The following ZNF420 variants were observed in gnomAD, a reference collection of about 807,000 sequenced individuals.
ZNF420 encodes the protein ATM and p53-associated KZNF protein.
ZNF420 carries 31 observed loss-of-function variants against 44.7 expected under a neutral mutation model. The observed-to-expected ratio is 0.69, with a 90% CI of 0.52 to 0.94. The LOEUF (loss-of-function observed/expected upper bound fraction) is 0.94, where lower values mean the gene tolerates loss of function less well. Among genes scored for constraint, ZNF420 ranks in the 40% least tolerant of loss-of-function variants. ZNF420 has a pLI of 0.00. For synonymous variants in ZNF420, 245 were observed against 267.4 expected, an observed-to-expected ratio of 0.92 and a Z score of 0.82; for missense variants, 681 against 827.9, an observed-to-expected ratio of 0.82 and a Z score of 2.18.
At chr19:37,008,377 A>T (rs1301326958) in intron 1 of ZNF420, among the ~76,000 whole-genome samples, 1 of 152,066 alleles carries the variant, frequency 6.6e-6, no homozygotes, top group African/African-American at 2.4e-5. Flanking sequence ...AATTTCTTGC[A>T]TGTCGGCCTG....
intron 1 of ZNF420, among the ~76,000 whole-genome samples, chr19:37,047,455 C>G (rs904787899): frequency 6.6e-6 from 1 of 152,200 alleles, no homozygotes; most frequent in Admixed American, 6.5e-5. Flanking sequence ...ATCCTAGTGG[C>G]ACCTTGATCT....
At chr19:37,109,967 T>A (rs1970300806) in intron 4 of ZNF420, 1 of 152,216 alleles carries the variant, frequency 6.6e-6, no homozygotes, top group Non-Finnish European at 1.5e-5. Context: ...TTGAGTTTTG[T>A]GTGTTCTATT....
At chr19:37,008,066 G>T in exon 1 of ZNF420, 1 of 264,726 alleles carries the variant, frequency 3.8e-6, no homozygotes, top group Non-Finnish European at 7.3e-6. Flanking sequence ...CCTCAGGCCT[G>T]CCCGGACGGT....
At chr19:37,030,977 C>T (rs924000847) in intron 1 of ZNF420, among the ~76,000 whole-genome samples, 4 of 152,118 alleles carry the variant, frequency 2.6e-5, no homozygotes, top group African/African-American at 7.2e-5. Flanking sequence ...ACTGTAGCCT[C>T]CCAAGTAGCT....
chr19:37,080,793 A>G (rs1254407560), intron 2 of ZNF420, among the ~76,000 whole-genome samples: 1 of 152,130 alleles, frequency 6.6e-6, no homozygotes. Flanking sequence ...GTGGTGGCTC[A>G]TGCCTATAAT....
At chr19:37,062,211 A>G (rs1423511624) in intron 1 of ZNF420, among the ~76,000 whole-genome samples, 1 of 152,236 alleles carries the variant, frequency 6.6e-6, no homozygotes, top group Non-Finnish European at 1.5e-5. Context: ...GGAATGAGGC[A>G]GTAAAGAAAG....
In ZNF420 at chr19:37,039,701, C is replaced by CT. The variant is rs3051691; in HGVS notation, c.-125+31634dup. 2.4e-3 allele frequency among the ~76,000 whole-genome samples: 352 copies of CT among 143,804 alleles called. 1 individual carries two copies. In the East Asian group the frequency reaches 0.026, roughly 10 times the overall value. The allele number at this position is 143,804 out of a possible 152,430, so 94.3% of individuals were successfully genotyped here. A position where few individuals can be genotyped will look rare whatever the true frequency, so the allele number is the denominator to read the frequency against. ...CAGCCTGTCCTTTGAATGTTTCTTT[C>CT]TTTTTTTTTTTTTTTGTGAGATACG... On this transcript the variant is annotated intron_variant, in intron 1 of 4. Transcript: ENST00000587029.
intron 1 of ZNF420, among the ~76,000 whole-genome samples, chr19:37,051,410 T>G (rs1265629059): frequency 6.6e-6 from 1 of 152,202 alleles, no homozygotes; most frequent in Non-Finnish European, 1.5e-5. Flanking sequence ...CTGTTATTGG[T>G]CTATTCAGAG....
chr19:37,043,438 T>G (rs2146413683), intron 1 of ZNF420, among the ~76,000 whole-genome samples: 1 of 152,368 alleles, frequency 6.6e-6, no homozygotes, highest in East Asian at 1.9e-4. Flanking sequence ...TATTATAACC[T>G]AAATTCCTGT....
intron 4 of ZNF420, among the ~76,000 whole-genome samples, chr19:37,104,633 C>T (rs1969973678): frequency 6.6e-6 from 1 of 152,200 alleles, no homozygotes; most frequent in Non-Finnish European, 1.5e-5. Flanking sequence ...TTCTCCACAT[C>T]CTCTCCAGCA....
intron 4 of ZNF420, among the ~76,000 whole-genome samples, chr19:37,120,107 G>C (rs1402376993): frequency 6.6e-6 from 1 of 151,572 alleles, no homozygotes; most frequent in African/African-American, 2.4e-5. Flanking sequence ...AGGGAATCCT[G>C]CCTAACTCAT....
upstream of ZNF420, among the ~76,000 whole-genome samples, chr19:37,073,584 T>TA (rs531746477): frequency 3.6e-3 from 542 of 151,100 alleles, no homozygotes; most frequent in Admixed American, 8.2e-3. Context: ...ACTAAAAATA[T>TA]AAAAAAATTA....
intron 4 of ZNF420, among the ~76,000 whole-genome samples, chr19:37,117,701 G>A (rs1970775538): frequency 9.1e-6 from 1 of 110,166 alleles, no homozygotes; most frequent in Non-Finnish European, 2.0e-5. Flanking sequence ...TCAAACCAAT[G>A]GCAAAGAAGT....
intron 1 of ZNF420, among the ~76,000 whole-genome samples, chr19:37,037,949 G>A (rs138885994): frequency 6.6e-6 from 1 of 152,272 alleles, no homozygotes; most frequent in Non-Finnish European, 1.5e-5. Flanking sequence ...AAGGACCTGG[G>A]TGTGGGTGGT....
chr19:37,036,265 A>C (rs1015517492), intron 1 of ZNF420, among the ~76,000 whole-genome samples: 5 of 152,222 alleles, frequency 3.3e-5, no homozygotes, highest in African/African-American at 1.2e-4. Context: ...CAATTGATAA[A>C]TGTTTGAGGT....
At chr19:37,010,496 T>G (rs2146366352) in intron 1 of ZNF420, among the ~76,000 whole-genome samples, 1 of 152,162 alleles carries the variant, frequency 6.6e-6, no homozygotes, top group South Asian at 2.1e-4. Context: ...GTGCCACTGC[T>G]CTATGTCTGT....
In ZNF420 at chr19:37,089,035, G is replaced by A. The variant is rs562900502; in HGVS notation, c.-80-4G>A. The A allele has an allele frequency of 1.8e-4, 222 of 1,238,542 alleles. No individual in the cohort carries two copies. The highest frequency in any genetic ancestry group is 2.3e-4 in the Non-Finnish European group (195 of 837,498). The allele number at this position is 1,238,542 out of a possible 1,614,324, so 76.7% of individuals were successfully genotyped here. On this transcript the variant is annotated splice_region_variant and splice_polypyrimidine_tract_variant and intron_variant, in intron 2 of 4. Transcript: ENST00000337995. Reference sequence around the variant, plus strand: ...GTCTCATGGTTCTGCTTTCTCCTCCGTAGCTCTGCATTCTCCAGACTCTGT... The same window carrying A: ...GTCTCATGGTTCTGCTTTCTCCTCCATAGCTCTGCATTCTCCAGACTCTGT...
intron 2 of ZNF420, among the ~76,000 whole-genome samples, chr19:37,083,319 C>T (rs1489625464): frequency 6.6e-6 from 1 of 152,110 alleles, no homozygotes; most frequent in African/African-American, 2.4e-5. Flanking sequence ...TCAGTGGTTA[C>T]AGAATTATAT....
At chr19:37,022,033 G>T (rs1011001139) in intron 1 of ZNF420, among the ~76,000 whole-genome samples, 1 of 150,790 alleles carries the variant, frequency 6.6e-6, no homozygotes. Flanking sequence ...TTCAATTTTG[G>T]AATAGGAAAT....
Sources: allele counts gnomAD v4.1 joint callset (sites outside exome capture counted in the v4.1 genomes callset), GRCh38; gene constraint gnomAD v4.1.1; transcripts MANE v1.5; gene names NCBI Gene and HGNC (gene_info 2026-07-23, HGNC 2026-07-21).